Variants in TRDN observed in about 807,000 individuals in gnomAD.
TRDN encodes triadin, also known as triadin in skeletal muscle.
In TRDN, 161 loss-of-function variants were observed where a neutral mutation model predicts 149.7. The ratio of observed to expected loss-of-function variants is 1.08; its 90% CI spans 0.95 to 1.23. The LOEUF (loss-of-function observed/expected upper bound fraction) is 1.23, where lower values mean the gene tolerates loss of function less well. Ranked by LOEUF, TRDN falls within the 50% of genes most tolerant of loss-of-function variation. The pLI is 0.00. For synonymous variants in TRDN, 294 were observed against 250.5 expected (o/e 1.17, Z -1.64); for missense variants, 896 against 823.5 (o/e 1.09, Z -1.08).
chr6:123,420,977 T>G (rs1166594531), intron 12 of TRDN, among the ~76,000 whole-genome samples: 1 of 152,250 alleles, frequency 6.6e-6, no homozygotes, highest in Non-Finnish European at 1.5e-5. Flanking sequence ...AAAGTCATCA[T>G]GACAGAACGG....
rs1776056376 is a variant in TRDN, at chr6:123,243,283, G to A, written c.1975+9129C>T. On this transcript the variant is annotated intron_variant, in intron 38 of 40. Coordinates refer to ENST00000334268, the MANE Select transcript of TRDN (RefSeq NM_006073.4). Reference sequence around the variant, plus strand: ...TCACCATGGTCACTAAGGAGGGAGAGGGAAGGCAGGCCATTTTCACACAGC... The same window carrying A: ...TCACCATGGTCACTAAGGAGGGAGAAGGAAGGCAGGCCATTTTCACACAGC... 4.6e-5 allele frequency among the ~76,000 whole-genome samples: 7 copies of A among 152,250 alleles called. No individual in the cohort carries two copies. The South Asian group carries it at 1.5e-3, about 32-fold the overall frequency.
chr6:123,255,186 T>A, intron 36 of TRDN, 61 bp from the exon 37 acceptor site: 1 of 827,064 alleles, frequency 1.2e-6, no homozygotes. Flanking sequence ...CCATCAAAAT[T>A]TTGTCTCACA....
chr6:123,414,004 T>G (rs908133898), intron 12 of TRDN, among the ~76,000 whole-genome samples: 14 of 152,128 alleles, frequency 9.2e-5, no homozygotes, highest in Non-Finnish European at 5.9e-5. Context: ...CAGCCCATTT[T>G]CTTACCTTTT....
At chr6:123,496,778 A>G (rs376950899) in intron 9 of TRDN, among the ~76,000 whole-genome samples, 65 of 152,236 alleles carry the variant, frequency 4.3e-4, no homozygotes, top group African/African-American at 1.4e-3. Flanking sequence ...TTTGGAAAAC[A>G]AAGTATAAAT....
Position 123,434,774 on chromosome 6 carries a change from T to A in TRDN, c.1051+3289A>T, listed in dbSNP as rs374128432. On this transcript the variant is annotated intron_variant, in intron 12 of 40. Transcript: ENST00000334268. Reference sequence around the variant, plus strand: ...CAAAAATACCAAGATGATTTTTTTTTAATTTTACATAATGTTTTTAATTGG... The same window carrying A: ...CAAAAATACCAAGATGATTTTTTTTAAATTTTACATAATGTTTTTAATTGG... Among the ~76,000 whole-genome samples the A allele has an allele frequency of 3.5e-4, 54 of 152,232 alleles. 1 individual carries two copies. The highest frequency in any genetic ancestry group is 9.6e-4 in the African/African-American group (40 of 41,546).
chr6:123,551,223 T>TATATATATATA (rs1311778479), intron 2 of TRDN, among the ~76,000 whole-genome samples: 14 of 137,478 alleles, frequency 1.0e-4, no homozygotes, highest in Non-Finnish European at 1.6e-4. Context: ...TATATATATA[T>TATATATATATA]TGCCTGGTTC....
intron 8 of TRDN, chr6:123,501,776 A>C (rs1037629343): frequency 1.3e-6 from 1 of 798,220 alleles, no homozygotes. Flanking sequence ...ATGTCCTTTT[A>C]ATAGATAAAT....
chr6:123,366,252 G>A (rs1781096546), intron 19 of TRDN, 70 bp from the exon 20 acceptor site: 1 of 1,407,630 alleles, frequency 7.1e-7, no homozygotes, highest in Non-Finnish European at 9.9e-7. Context: ...TTATACTATT[G>A]AGAATAAAAT....
chr6:123,359,991 G>T (rs1780835724), intron 20 of TRDN, among the ~76,000 whole-genome samples: 1 of 152,088 alleles, frequency 6.6e-6, no homozygotes, highest in Non-Finnish European at 1.5e-5. Flanking sequence ...CACTGCGCCT[G>T]GCCGTGAAGG....
chr6:123,268,749 T>C (rs1443114959), intron 31 of TRDN, among the ~76,000 whole-genome samples: 2 of 152,034 alleles, frequency 1.3e-5, no homozygotes, highest in Non-Finnish European at 2.9e-5. Flanking sequence ...CATTCAAGAA[T>C]AAACTTCCAT....
chr6:123,492,917 CT>C (rs1242074942), intron 9 of TRDN, among the ~76,000 whole-genome samples: 1 of 152,072 alleles, frequency 6.6e-6, no homozygotes, highest in Non-Finnish European at 1.5e-5. Context: ...GAATCAATCT[CT>C]TTCTTTCTGT....
At chr6:123,373,176 G>T (rs1781384046) in intron 19 of TRDN, among the ~76,000 whole-genome samples, 1 of 152,144 alleles carries the variant, frequency 6.6e-6, no homozygotes, top group South Asian at 2.1e-4. Flanking sequence ...CCCACACGTT[G>T]TGGAAGGGAC....
chr6:123,304,365 G>T (rs1279409590), intron 24 of TRDN, among the ~76,000 whole-genome samples: 1 of 148,134 alleles, frequency 6.8e-6, no homozygotes, highest in Non-Finnish European at 1.5e-5. Flanking sequence ...GGATTCCCCT[G>T]CCTCAGCCTC....
chr6:123,627,130 A>T (rs1165913916), intron 1 of TRDN, among the ~76,000 whole-genome samples: 3 of 151,996 alleles, frequency 2.0e-5, no homozygotes, highest in Non-Finnish European at 4.4e-5. Flanking sequence ...GGGTTTCACC[A>T]CATTGGCCAG....
chr6:123,382,214 C>T, intron 14 of TRDN, 67 bp from the exon 15 acceptor site: 3 of 1,073,824 alleles, frequency 2.8e-6, no homozygotes, highest in Non-Finnish European at 2.6e-6. Context: ...CAGCTCACAA[C>T]AAATTTCTAT....
chr6:123,632,309 C>T lies in TRDN; in HGVS notation c.22+4445G>A, dbSNP rs966704496. Among the ~76,000 whole-genome samples the T allele has an allele frequency of 3.3e-5, 5 of 151,898 alleles. No individual in the cohort carries two copies. In the Admixed American group the frequency reaches 3.3e-4, roughly 10 times the overall value. The stretch of plus-strand genomic sequence containing the variant: ...TTCCTTTTCCTTCCCTCCTTTCTTG[C>T]TTTCTCTTTTCTTTCTTTCTAGTCA... On this transcript the variant is annotated intron_variant, in intron 1 of 40. Transcript: ENST00000334268.
chr6:123,274,653 C>CT lies in TRDN; in HGVS notation c.1584dup (p.Glu529ArgfsTer8). The CT allele has an allele frequency of 6.2e-7, 1 of 1,608,308 alleles. No homozygotes were observed. The highest frequency in any genetic ancestry group is 1.3e-5 in the African/African-American group (1 of 74,810). On this transcript the variant is annotated frameshift_variant, in exon 27 of 41. Transcript: ENST00000334268. LOFTEE classifies it high-confidence loss of function. ...AAGCTCATGTTACCTGGTTTTGCTT[C>CT]TTTTTTAATTTGGGGCTCTGAGGGA...
At chr6:123,428,202 A>G (rs892347330) in intron 12 of TRDN, among the ~76,000 whole-genome samples, 1 of 152,212 alleles carries the variant, frequency 6.6e-6, no homozygotes. Context: ...CTCTGCTGGA[A>G]GGATAGGACC....
At chr6:123,351,141 A>G (rs540611912) in intron 21 of TRDN, 1 of 984,778 alleles carries the variant, frequency 1.0e-6, no homozygotes, top group East Asian at 1.1e-4. Flanking sequence ...AGAGGGGGAA[A>G]GCTATAAAAC....
Sources: allele counts gnomAD v4.1 joint callset (sites outside exome capture counted in the v4.1 genomes callset), GRCh38; gene constraint gnomAD v4.1.1; transcripts MANE v1.5; gene names NCBI Gene and HGNC (gene_info 2026-07-23, HGNC 2026-07-21).